The following DDHD1 variants were observed in gnomAD, a reference collection of about 807,000 sequenced individuals.
DDHD1 encodes the protein phospholipase DDHD1.
DDHD1 carries 49 observed loss-of-function variants against 96.4 expected under a neutral mutation model. The ratio of observed to expected loss-of-function variants is 0.51; its 90% CI spans 0.40 to 0.64. The LOEUF (loss-of-function observed/expected upper bound fraction) is 0.64. DDHD1 is among the 30% of genes least tolerant of loss of function. The pLI is 0.00. For synonymous variants in DDHD1, 442 were observed against 446.5 expected (o/e 0.99, Z 0.13); for missense variants, 1,106 against 1,161.2 (o/e 0.95, Z 0.69).
At chr14:53,109,362 G>A (rs1162231083) in intron 1 of DDHD1, among the ~76,000 whole-genome samples, 2 of 152,124 alleles carry the variant, frequency 1.3e-5, no homozygotes. Context: ...TTTTCTGAGG[G>A]TGATGTTGCC....
At chr14:53,104,523 G>A (rs186208437) in intron 1 of DDHD1, among the ~76,000 whole-genome samples, 1 of 152,224 alleles carries the variant, frequency 6.6e-6, no homozygotes, top group Admixed American at 6.5e-5. Flanking sequence ...TGGTAGTAGT[G>A]TGTGGCACTT....
At chr14:53,092,154 AAGGAAAG>A in intron 3 of DDHD1, 1 of 354,932 alleles carries the variant, frequency 2.8e-6, no homozygotes, top group Non-Finnish European at 5.0e-6. Flanking sequence ...AAAGAAATGG[AAGGAAAG>A]AAGGACAAAC....
rs192649707 is a variant in DDHD1, at chr14:53,086,525, A to C, written c.1289+5260T>G. On this transcript the variant is annotated intron_variant, in intron 4 of 12. Coordinates refer to ENST00000673822, the MANE Select transcript of DDHD1 (RefSeq NM_001160148.2). ...ACATTCTTAAAGAAAAGAATTTTCA[A>C]CCCAGAATCTCATATCCAGCCAAAC... Among the ~76,000 whole-genome samples the C allele has an allele frequency of 7.2e-3, 1,097 of 151,904 alleles. 6 individuals carry two copies. The highest frequency in any genetic ancestry group is 0.011 in the Non-Finnish European group (759 of 67,994).
At chr14:53,127,242 T>C (rs531427741) in intron 1 of DDHD1, among the ~76,000 whole-genome samples, 6 of 152,334 alleles carry the variant, frequency 3.9e-5, no homozygotes, top group African/African-American at 9.6e-5. Flanking sequence ...TTAAGTATTA[T>C]TGGCAACCTA....
intron 10 of DDHD1, 146 bp downstream of exon 10, chr14:53,055,514 A>G (rs1882967086): frequency 1.3e-6 from 1 of 783,774 alleles, no homozygotes; most frequent in Non-Finnish European, 2.0e-6. Context: ...TTGGGCCTCA[A>G]ATATGAACAT....
At chr14:53,113,081 T>A (rs1376884921) in intron 1 of DDHD1, among the ~76,000 whole-genome samples, 1 of 151,744 alleles carries the variant, frequency 6.6e-6, no homozygotes, top group Non-Finnish European at 1.5e-5. Context: ...TGCCTCAGCC[T>A]CCAGAGTAGC....
intron 10 of DDHD1, among the ~76,000 whole-genome samples, 195 bp downstream of exon 10, chr14:53,055,459 TCTAAAA>T (rs1322908446): frequency 6.6e-6 from 1 of 152,218 alleles, no homozygotes; most frequent in Non-Finnish European, 1.5e-5. Context: ...TATCTTATAT[TCTAAAA>T]CTATAAGATC....
Position 53,043,716 on chromosome 14 carries a change from C to A in DDHD1, c.*3052G>T, listed in dbSNP as rs1881820926. 1 of 152,130 alleles carries A rather than the reference C, an allele frequency of 6.6e-6. No individual in the cohort carries two copies. The highest frequency in any genetic ancestry group is 1.5e-5 in the Non-Finnish European group (1 of 68,024). 9.4% of individuals were successfully genotyped at this position (152,130 alleles called of 1,614,324 possible). ...GTGCTGGGATTACAGGCATGAGCTG[C>A]CACACCTGGCCAAAATCCAGTATAT... On this transcript the variant is annotated 3_prime_UTR_variant, in exon 13 of 13. Transcript: ENST00000673822.
chr14:53,067,624 AT>A (rs1884152836), intron 6 of DDHD1, among the ~76,000 whole-genome samples: 2 of 151,888 alleles, frequency 1.3e-5, no homozygotes, highest in Non-Finnish European at 2.9e-5. Context: ...CGCCCAGCTA[AT>A]TTTGTATTTT....
intron 8 of DDHD1, among the ~76,000 whole-genome samples, chr14:53,058,828 C>T (rs1343315810): frequency 6.6e-6 from 1 of 152,146 alleles, no homozygotes; most frequent in African/African-American, 2.4e-5. Flanking sequence ...ACTTCATTAT[C>T]TTTAAATCTA....
At chr14:53,107,979 T>C (rs1887822856) in intron 1 of DDHD1, among the ~76,000 whole-genome samples, 1 of 152,190 alleles carries the variant, frequency 6.6e-6, no homozygotes, top group Non-Finnish European at 1.5e-5. Context: ...GATCAGGATA[T>C]AAACTCAGGC....
At chr14:53,131,423 C>T (rs1279718947) in intron 1 of DDHD1, among the ~76,000 whole-genome samples, 2 of 152,126 alleles carry the variant, frequency 1.3e-5, no homozygotes, top group African/African-American at 4.8e-5. Flanking sequence ...AAAGCCTGTC[C>T]AGGATCTTCG....
chr14:53,128,969 T>TGA (rs1225278612), intron 1 of DDHD1, among the ~76,000 whole-genome samples: 7 of 152,170 alleles, frequency 4.6e-5, no homozygotes, highest in Non-Finnish European at 8.8e-5. Context: ...AGGTACTTTA[T>TGA]AATATTCTCC....
intron 1 of DDHD1, among the ~76,000 whole-genome samples, chr14:53,122,837 G>A (rs893814305): frequency 1.2e-4 from 18 of 151,702 alleles, no homozygotes; most frequent in African/African-American, 4.4e-4. Flanking sequence ...AAAGTACTGG[G>A]ATTACAGGCG....
chr14:53,146,139 G>C (rs948958346), intron 1 of DDHD1, among the ~76,000 whole-genome samples: 1 of 152,114 alleles, frequency 6.6e-6, no homozygotes, highest in African/African-American at 2.4e-5. Context: ...CTGGGAGGCA[G>C]AGGTTGCAGT....
In DDHD1 at chr14:53,055,777, T is replaced by C. The variant is rs778314127; in HGVS notation, c.2128A>G (p.Thr710Ala). The change falls in exon 10 of 13, where the codon ACC (threonine) becomes GCC (alanine). Residue 710 changes from threonine (T) to alanine (A), a missense_variant. Around this residue, in one of 2 missense-constraint regions of DDHD1, gnomAD observed 650 missense variants for 758.8 expected, o/e 0.86. Transcript: ENST00000673822. Reference protein sequence around the residue: ...PSFLNPAKEPTSVSENEGIST... With the variant: ...PSFLNPAKEPASVSENEGIST... ...ATGCCTTCATTCTCTGAAACTGAGGTAGGTTCTTTAGCTGGGTTGAGAAAG... is the reference window on the plus strand; with the variant it reads ...ATGCCTTCATTCTCTGAAACTGAGGCAGGTTCTTTAGCTGGGTTGAGAAAG... 2.9e-5 allele frequency: 47 copies of C among 1,613,888 alleles called. No individual in the cohort carries two copies. Among genetic ancestry groups the C allele is most frequent in the Admixed American group, 6.7e-5 (4 of 59,980 alleles).
At chr14:53,073,091 C>G (rs1347929860) in intron 5 of DDHD1, among the ~76,000 whole-genome samples, 3 of 152,016 alleles carry the variant, frequency 2.0e-5, no homozygotes, top group Non-Finnish European at 4.4e-5. Flanking sequence ...TATAACAACT[C>G]TCTCATTTTG....
intron 12 of DDHD1, among the ~76,000 whole-genome samples, chr14:53,050,045 A>C (rs1309532289): frequency 2.0e-5 from 3 of 152,162 alleles, no homozygotes; most frequent in African/African-American, 7.2e-5. Context: ...ACAGACATAT[A>C]ATAAGTAATT....
chr14:53,053,713 A>T (rs1317266237), intron 11 of DDHD1: 1 of 152,190 alleles, frequency 6.6e-6, no homozygotes, highest in African/African-American at 2.4e-5. Context: ...ATATTTCATT[A>T]TAGGTGTCAA....
Sources: allele counts gnomAD v4.1 joint callset (sites outside exome capture counted in the v4.1 genomes callset), GRCh38; gene constraint gnomAD v4.1.1; regional missense constraint gnomAD v4.1.1; transcripts MANE v1.5; gene names NCBI Gene and HGNC (gene_info 2026-07-23, HGNC 2026-07-21).